NPR3: variants seen among roughly 807,000 people sequenced by gnomAD.
NPR3 encodes natriuretic peptide receptor 3.
In NPR3, 34 loss-of-function variants were observed where a neutral mutation model predicts 54.5. The observed-to-expected ratio is 0.62, with a 90% CI of 0.47 to 0.83. NPR3 has a LOEUF of 0.83. Ranked by LOEUF, NPR3 falls within the 40% of genes least tolerant of loss-of-function variation. The pLI is 0.00. For synonymous variants in NPR3, 289 were observed against 297.1 expected (o/e 0.97, Z 0.28); for missense variants, 674 against 720.8 (o/e 0.94, Z 0.74).
At chr5:32,703,376 C>T (rs1444237535) in intron 1 of NPR3, among the ~76,000 whole-genome samples, 1 of 151,932 alleles carries the variant, frequency 6.6e-6, no homozygotes, top group Non-Finnish European at 1.5e-5. Flanking sequence ...AGCTTTGAGA[C>T]AAAGCCCCCT....
intron 1 of NPR3, among the ~76,000 whole-genome samples, chr5:32,714,960 G>A (rs2111854857): frequency 6.6e-6 from 1 of 152,286 alleles, no homozygotes; most frequent in Middle Eastern, 3.4e-3. Flanking sequence ...ACGTCTTTGG[G>A]AAACTGTGAG....
At chr5:32,750,801 C>T (rs567479160) in intron 3 of NPR3, among the ~76,000 whole-genome samples, 18 of 152,288 alleles carry the variant, frequency 1.2e-4, no homozygotes, top group African/African-American at 4.1e-4. Context: ...TAACTCAGTG[C>T]ATTCTTTTAC....
intron 2 of NPR3, among the ~76,000 whole-genome samples, chr5:32,735,552 G>T (rs950347172): frequency 6.6e-6 from 1 of 150,510 alleles, no homozygotes; most frequent in Non-Finnish European, 1.5e-5. Context: ...AGCTTTTTTG[G>T]TGTGACTTCC....
chr5:32,727,171 G>A (rs1739181412), intron 2 of NPR3, among the ~76,000 whole-genome samples: 1 of 152,182 alleles, frequency 6.6e-6, no homozygotes, highest in Non-Finnish European at 1.5e-5. Context: ...CTGTTGCCCA[G>A]GCTGGAGTAC....
At chr5:32,698,383 T>G (rs550669908) in intron 1 of NPR3, among the ~76,000 whole-genome samples, 20 of 152,278 alleles carry the variant, frequency 1.3e-4, no homozygotes, top group Middle Eastern at 3.4e-3. Flanking sequence ...TTTTTGAATT[T>G]TTAAAGACTT....
At chr5:32,750,110 A>G (rs1273270128) in intron 3 of NPR3, among the ~76,000 whole-genome samples, 1 of 152,058 alleles carries the variant, frequency 6.6e-6, no homozygotes, top group Non-Finnish European at 1.5e-5. Flanking sequence ...TTTCAGTTCT[A>G]TTGAGTCAGT....
intron 4 of NPR3, among the ~76,000 whole-genome samples, chr5:32,780,404 A>G (rs945308467): frequency 6.6e-6 from 1 of 152,246 alleles, no homozygotes; most frequent in Admixed American, 6.5e-5. Flanking sequence ...ATTAAAAAAA[A>G]TTAATACAAA....
At chr5:32,724,257 C>T (rs549748765) in intron 1 of NPR3, among the ~76,000 whole-genome samples, 63 of 152,302 alleles carry the variant, frequency 4.1e-4, no homozygotes, top group Non-Finnish European at 7.6e-4. Context: ...CAGCATCACA[C>T]GTTGCAGTCA....
chr5:32,697,717 G>T (rs1740565876), intron 1 of NPR3, among the ~76,000 whole-genome samples: 1 of 151,928 alleles, frequency 6.6e-6, no homozygotes, highest in African/African-American at 2.4e-5. Flanking sequence ...GTTCAATCTT[G>T]GTAGATTGTA....
intron 1 of NPR3, among the ~76,000 whole-genome samples, chr5:32,717,010 C>T (rs1368439149): frequency 2.0e-5 from 3 of 148,282 alleles, no homozygotes; most frequent in African/African-American, 7.5e-5. Flanking sequence ...CCCCACCCCC[C>T]ACCCCCTGAC....
In NPR3 at chr5:32,758,051, T is replaced by C. The variant is rs184047333; in HGVS notation, c.1060-16657T>C. On this transcript the variant is annotated intron_variant, in intron 3 of 7. Transcript: ENST00000265074. Reference sequence around the variant, plus strand: ...CATCGATGTTCAGCAGGGATATTGGTCTAAAATTCTCTTTTTTTTGTTGTG... The same window carrying C: ...CATCGATGTTCAGCAGGGATATTGGCCTAAAATTCTCTTTTTTTTGTTGTG... Among the ~76,000 whole-genome samples the C allele has an allele frequency of 4.4e-3, 568 of 129,350 alleles. 1 individual carries two copies. The highest frequency in any genetic ancestry group is 0.017 in the African/African-American group (470 of 27,492). The allele number at this position is 129,350 out of a possible 152,430, so 84.9% of individuals were successfully genotyped here.
chr5:32,753,763 T>C (rs1740696835), intron 3 of NPR3, among the ~76,000 whole-genome samples: 1 of 151,446 alleles, frequency 6.6e-6, no homozygotes, highest in South Asian at 2.1e-4. Context: ...AGTAAACAAA[T>C]TTAAAGGTGA....
At chr5:32,733,253 C>G (rs566876742) in intron 2 of NPR3, among the ~76,000 whole-genome samples, 1 of 151,934 alleles carries the variant, frequency 6.6e-6, no homozygotes, top group Non-Finnish European at 1.5e-5. Context: ...TTGGTGAGCA[C>G]TCAAAAAAAG....
rs1741966630 is a variant in NPR3 at position 32,774,955 on chromosome 5, A to C, written c.1195+112A>C. 3.7e-6 allele frequency: 3 copies of C among 800,296 alleles called. No homozygotes were observed. The South Asian group carries it at 4.6e-5, about 12-fold the overall frequency. The allele number at this position is 800,296 out of a possible 1,614,324, so 49.6% of individuals were successfully genotyped here. On this transcript the variant is annotated intron_variant, in intron 4 of 7. Coordinates refer to ENST00000265074, the MANE Select transcript of NPR3 (RefSeq NM_001204375.2). ...GCCTTTCCAGCGTCTTGCTTTTCTC[A>C]GCTCTAAAGCAGCCCATCTCATAGG...
intron 1 of NPR3, among the ~76,000 whole-genome samples, chr5:32,699,409 G>T (rs1740611068): frequency 6.6e-6 from 1 of 152,062 alleles, no homozygotes; most frequent in Non-Finnish European, 1.5e-5. Flanking sequence ...CCATCATCTA[G>T]GTTTTAAGCC....
chr5:32,770,225 T>C (rs752441815), intron 3 of NPR3, among the ~76,000 whole-genome samples: 6 of 151,830 alleles, frequency 4.0e-5, no homozygotes, highest in Non-Finnish European at 5.9e-5. Flanking sequence ...TGAGCTCTGG[T>C]TTGAGATCAG....
intron 2 of NPR3, among the ~76,000 whole-genome samples, chr5:32,732,299 T>C (rs1462770672): frequency 3.6e-5 from 5 of 139,986 alleles, no homozygotes; most frequent in African/African-American, 1.1e-4. Context: ...AGATCAAAGA[T>C]GGTGGCTAGA....
In NPR3 at chr5:32,712,177, C is replaced by T. The variant is rs1355460231; in HGVS notation, c.401C>T (p.Pro134Leu). 6.2e-7 allele frequency: 1 copy of T among 1,613,144 alleles called. No homozygotes were observed. Among genetic ancestry groups the T allele is most frequent in the East Asian group, 2.2e-5 (1 of 44,858 alleles). The part of the protein sequence containing the change: ...RGAKPDLILG[P>L]VCEYAAAPVA... The stretch of plus-strand genomic sequence containing the variant: ...GCCAAGCCAGACCTTATCCTGGGGC[C>T]AGTGTGCGAGTATGCAGCAGCGCCA... The change falls in exon 1 of 8, where the codon CCA becomes CTA. Residue 134 changes from proline (P) to leucine (L), a missense_variant. By Grantham distance (98) the Pro-to-Leu change is moderately conservative. Transcript: ENST00000265074.
intron 1 of NPR3, among the ~76,000 whole-genome samples, chr5:32,695,936 T>C (rs1366120547): frequency 6.6e-6 from 1 of 152,172 alleles, no homozygotes; most frequent in African/African-American, 2.4e-5. Context: ...CCTTGTCAGA[T>C]GGATAGTTTG....
Sources: allele counts gnomAD v4.1 joint callset (sites outside exome capture counted in the v4.1 genomes callset), GRCh38; gene constraint gnomAD v4.1.1; transcripts MANE v1.5; gene names NCBI Gene and HGNC (gene_info 2026-07-23, HGNC 2026-07-21).